The following DGKB variants were observed in gnomAD, a reference collection of about 807,000 sequenced individuals.
DGKB encodes the protein 90 kDa diacylglycerol kinase.
A neutral mutation model predicts 114.3 loss-of-function variants in DGKB; 67 were observed. That is an observed-to-expected ratio of 0.59 (90% CI 0.48 to 0.72). DGKB has a LOEUF of 0.72. Among genes scored for constraint, DGKB ranks in the 30% least tolerant of loss-of-function variants. The pLI, the probability that DGKB is intolerant of heterozygous loss-of-function variation, is 0.00. For synonymous variants in DGKB, 398 were observed against 323.1 expected (o/e 1.23, Z -2.49); for missense variants, 907 against 975.2 (o/e 0.93, Z 0.93).
At chr7:14,398,104 C>T (rs188755119) in intron 21 of DGKB, among the ~76,000 whole-genome samples, 1 of 152,062 alleles carries the variant, frequency 6.6e-6, no homozygotes, top group East Asian at 1.9e-4. Flanking sequence ...TAGATAAATG[C>T]TCACCTATTG....
chr7:14,237,415 CT>C (rs1792969872), intron 23 of DGKB, among the ~76,000 whole-genome samples: 1 of 151,786 alleles, frequency 6.6e-6, no homozygotes, highest in South Asian at 2.1e-4. Context: ...AAGAGACAGG[CT>C]GTGAAAGCGC....
chr7:14,236,808 A>AAAAT (rs1424239545), intron 23 of DGKB, among the ~76,000 whole-genome samples: 3 of 151,982 alleles, frequency 2.0e-5, no homozygotes, highest in Non-Finnish European at 4.4e-5. Flanking sequence ...ACAAGAATTG[A>AAAAT]AAATAAATAG....
At chr7:14,776,648 A>G (rs1229127095) in intron 2 of DGKB, among the ~76,000 whole-genome samples, 9 of 152,342 alleles carry the variant, frequency 5.9e-5, no homozygotes, top group African/African-American at 2.2e-4. Context: ...TGAGATTTGG[A>G]AACCTCTGCC....
At chr7:14,639,060 T>C (rs988999510) in intron 13 of DGKB, among the ~76,000 whole-genome samples, 6 of 143,288 alleles carry the variant, frequency 4.2e-5, no homozygotes, top group Non-Finnish European at 6.0e-5. Flanking sequence ...AATAAGTTTA[T>C]TTATTAAATT....
chr7:14,178,632 T>C (rs1364020110), intron 23 of DGKB, among the ~76,000 whole-genome samples: 3 of 152,216 alleles, frequency 2.0e-5, no homozygotes, highest in Non-Finnish European at 4.4e-5. Flanking sequence ...TCTCATTTTA[T>C]ACATTAGAAG....
chr7:14,614,069 A>C (rs1166617019), intron 15 of DGKB, among the ~76,000 whole-genome samples: 2 of 152,202 alleles, frequency 1.3e-5, no homozygotes, highest in African/African-American at 4.8e-5. Flanking sequence ...TGACTCGACT[A>C]TACGTCATGT....
chr7:14,785,823 T>C (rs1009272723), intron 2 of DGKB, among the ~76,000 whole-genome samples: 9 of 151,908 alleles, frequency 5.9e-5, no homozygotes, highest in African/African-American at 9.7e-5. Context: ...CTCCACAATA[T>C]AGACTACATC....
chr7:14,897,088 T>C (rs184827988), intron 1 of DGKB, among the ~76,000 whole-genome samples: 63 of 151,826 alleles, frequency 4.1e-4, no homozygotes, highest in African/African-American at 1.5e-3. Context: ...CTTCCCCTGA[T>C]TATTTGATAA....
chr7:14,779,030 C>A lies in DGKB; in HGVS notation c.71-21299G>T, dbSNP rs574091573. Reference sequence around the variant, plus strand: ...AATTAGCTAGGCGTGGTGGCACATGCCTGTAGTCCAAGCTACTCAGGAGGT... The same window carrying A: ...AATTAGCTAGGCGTGGTGGCACATGACTGTAGTCCAAGCTACTCAGGAGGT... On this transcript the variant is annotated intron_variant, in intron 2 of 25. Coordinates refer to ENST00000402815, the MANE Select transcript of DGKB (RefSeq NM_001350709.2). Among the ~76,000 whole-genome samples, 106 of 152,188 alleles carry A rather than the reference C, an allele frequency of 7.0e-4. 1 individual carries two copies. Among genetic ancestry groups the A allele is most frequent in the Non-Finnish European group, 1.1e-3 (78 of 68,014 alleles).
intron 23 of DGKB, among the ~76,000 whole-genome samples, chr7:14,232,924 A>G (rs937049581): frequency 2.0e-5 from 3 of 152,026 alleles, no homozygotes; most frequent in African/African-American, 7.2e-5. Context: ...TAATGTGTCA[A>G]TTTCCAATCT....
intron 16 of DGKB, among the ~76,000 whole-genome samples, chr7:14,609,294 G>T (rs986748938): frequency 9.9e-5 from 15 of 151,956 alleles, no homozygotes; most frequent in Non-Finnish European, 2.9e-5. Flanking sequence ...AATAGCGAAA[G>T]GACTTCCTAT....
intron 21 of DGKB, among the ~76,000 whole-genome samples, chr7:14,472,830 C>T (rs1049529607): frequency 3.3e-5 from 5 of 152,064 alleles, no homozygotes; most frequent in Non-Finnish European, 7.4e-5. Flanking sequence ...GGCACTTTGT[C>T]CCTGCCCTAG....
At chr7:14,815,735 C>T (rs1457893479) in intron 2 of DGKB, among the ~76,000 whole-genome samples, 1 of 152,090 alleles carries the variant, frequency 6.6e-6, no homozygotes, top group African/African-American at 2.4e-5. Context: ...TTCAGAACTC[C>T]CTCTTCCTCC....
chr7:14,542,638 C>T (rs1308992171), intron 20 of DGKB, among the ~76,000 whole-genome samples: 2 of 152,266 alleles, frequency 1.3e-5, no homozygotes, highest in Non-Finnish European at 2.9e-5. Flanking sequence ...GACATTCAAA[C>T]GTTAAGTATA....
At chr7:14,425,231 C>G (rs1193826967) in intron 21 of DGKB, among the ~76,000 whole-genome samples, 1 of 151,958 alleles carries the variant, frequency 6.6e-6, no homozygotes, top group East Asian at 1.9e-4. Context: ...TAAAATCCCT[C>G]TAAAATAATA....
intron 1 of DGKB, among the ~76,000 whole-genome samples, chr7:14,916,446 A>G (rs1413218156): frequency 6.6e-6 from 1 of 152,106 alleles, no homozygotes. Flanking sequence ...TATTAAAGGG[A>G]TGGAGAAAGA....
rs1804094539 is a variant in DGKB, at chr7:14,604,386, A to G, written c.1433+3048T>C. On this transcript the variant is annotated intron_variant, in intron 17 of 25. Coordinates refer to ENST00000402815, the MANE Select transcript of DGKB (RefSeq NM_001350709.2). ...TTATAAACATAGTTTTTGAAAAAAAATAAAGTTGGGATAAAAGAAGAGTTG... is the reference window on the plus strand; with the variant it reads ...TTATAAACATAGTTTTTGAAAAAAAGTAAAGTTGGGATAAAAGAAGAGTTG... 2.0e-5 allele frequency among the ~76,000 whole-genome samples: 3 copies of G among 152,288 alleles called. No homozygotes were observed. The South Asian group carries it at 6.2e-4, about 32-fold the overall frequency.
At position 14,296,396 on chromosome 7, in the gene DGKB, A is replaced by G. The variant is rs188652713; in HGVS notation, c.2122+42119T>C. 1.6e-3 allele frequency among the ~76,000 whole-genome samples: 247 copies of G among 152,182 alleles called. 1 individual carries two copies. The highest frequency in any genetic ancestry group is 5.6e-3 in the African/African-American group (232 of 41,518). On this transcript the variant is annotated intron_variant, in intron 23 of 25. Coordinates refer to ENST00000402815, the MANE Select transcript of DGKB (RefSeq NM_001350709.2). Reference sequence around the variant, plus strand: ...ATTTGTGCCACATTATCTTTATCCAATCTATCATTGATGGGCATTTGGGTT... The same window carrying G: ...ATTTGTGCCACATTATCTTTATCCAGTCTATCATTGATGGGCATTTGGGTT...
chr7:14,598,870 G>A (rs1312869940), intron 17 of DGKB, among the ~76,000 whole-genome samples: 1 of 152,038 alleles, frequency 6.6e-6, no homozygotes, highest in African/African-American at 2.4e-5. Context: ...CCTATGATTT[G>A]TCAATATCTC....
Sources: gnomAD v4.1 joint callset for allele counts (sites outside exome capture counted in the v4.1 genomes callset) on GRCh38, gnomAD v4.1.1 for gene constraint, MANE v1.5 for transcripts, NCBI Gene and HGNC (gene_info 2026-07-23, HGNC 2026-07-21) for gene names.